SLC10A7: variants seen among roughly 807,000 people sequenced by gnomAD.
SLC10A7 encodes sodium/bile acid cotransporter 7.
SLC10A7 carries 29 observed loss-of-function variants against 43.2 expected under a neutral mutation model. The ratio of observed to expected loss-of-function variants is 0.67; its 90% CI spans 0.50 to 0.92. The LOEUF (loss-of-function observed/expected upper bound fraction) is 0.92. Ranked by LOEUF, SLC10A7 falls within the 40% of genes least tolerant of loss-of-function variation. The pLI is 0.00. For synonymous variants in SLC10A7, 152 were observed against 144.8 expected, an observed-to-expected ratio of 1.05 and a Z score of -0.35; for missense variants, 295 against 403.2, an observed-to-expected ratio of 0.73 and a Z score of 2.30.
chr4:146,365,478 A>T (rs898479322), intron 5 of SLC10A7, among the ~76,000 whole-genome samples: 1 of 152,208 alleles, frequency 6.6e-6, no homozygotes, highest in Non-Finnish European at 1.5e-5. Flanking sequence ...TACTTAAAGC[A>T]CAGTTAACTG....
chr4:146,267,101 C>A (rs1373531854), intron 10 of SLC10A7, among the ~76,000 whole-genome samples: 1 of 152,060 alleles, frequency 6.6e-6, no homozygotes, highest in Non-Finnish European at 1.5e-5. Flanking sequence ...ATACCAAGAT[C>A]ATTACACAGG....
In SLC10A7 at chr4:146,478,012, A is replaced by G. The variant is rs145012357; in HGVS notation, c.396+25837T>C. ...TGGTGTGTGCACTTAATACTGCACA[A>G]AAGAAAACATATCAAAACAGAAATA... On this transcript the variant is annotated intron_variant, in intron 4 of 11. Transcript: ENST00000335472. The G allele has an allele frequency of 8.8e-4, 134 of 152,334 alleles. 1 individual carries two copies. The highest frequency in any genetic ancestry group is 3.0e-3 in the African/African-American group (125 of 41,582). 9.4% of individuals were successfully genotyped at this position (152,334 alleles called of 1,614,324 possible). A position where few individuals can be genotyped will look rare whatever the true frequency, so the allele number is the denominator to read the frequency against.
Position 146,255,936 on chromosome 4 carries a change from T to C in SLC10A7, c.*555A>G, listed in dbSNP as rs2110957873. 1 of 152,538 alleles carries C rather than the reference T, an allele frequency of 6.6e-6. No homozygotes were observed. The highest frequency in any genetic ancestry group is 6.5e-5 in the Admixed American group (1 of 15,306). 9.4% of individuals were successfully genotyped at this position (152,538 alleles called of 1,614,324 possible). A position where few individuals can be genotyped will look rare whatever the true frequency, so the allele number is the denominator to read the frequency against. On this transcript the variant is annotated 3_prime_UTR_variant, in exon 12 of 12. Transcript: ENST00000335472. ...GAGTGAGGAATTTCTGTGTGGAAAC[T>C]ATTTGAAGGAATGTCTTTAAAAATG...
chr4:146,311,180 C>T (rs1731952926), intron 6 of SLC10A7, among the ~76,000 whole-genome samples: 1 of 152,120 alleles, frequency 6.6e-6, no homozygotes, highest in African/African-American at 2.4e-5. Context: ...GCAAGATTGA[C>T]TGTTATCAAC....
At chr4:146,354,226 C>A (rs945889005) in intron 5 of SLC10A7, among the ~76,000 whole-genome samples, 1 of 149,214 alleles carries the variant, frequency 6.7e-6, no homozygotes, top group South Asian at 2.1e-4. Flanking sequence ...AAATCACAAG[C>A]ATTCTTATAC....
intron 4 of SLC10A7, among the ~76,000 whole-genome samples, chr4:146,451,231 C>CAAAAAAAAAAAAA (rs572993886): frequency 2.2e-3 from 157 of 71,644 alleles, no homozygotes; most frequent in South Asian, 3.2e-3. Context: ...AGTCTCCCAC[C>CAAAAAAAAAAAAA]AAAAAAAAAA....
chr4:146,450,008 G>T (rs1731445605), intron 4 of SLC10A7, among the ~76,000 whole-genome samples: 1 of 151,916 alleles, frequency 6.6e-6, no homozygotes, highest in Non-Finnish European at 1.5e-5. Context: ...TATGGGAGAA[G>T]GCATTTCAGG....
chr4:146,429,498 G>C (rs1274821561), intron 5 of SLC10A7, among the ~76,000 whole-genome samples: 1 of 152,096 alleles, frequency 6.6e-6, no homozygotes, highest in East Asian at 1.9e-4. Flanking sequence ...TGCCTTCATG[G>C]AGCTTTCATT....
At chr4:146,312,265 T>C (rs748050867) in intron 6 of SLC10A7, among the ~76,000 whole-genome samples, 2 of 152,182 alleles carry the variant, frequency 1.3e-5, no homozygotes, top group East Asian at 3.9e-4. Context: ...TTTGTTTATA[T>C]GCTAGCTACT....
rs543865836 is a variant in SLC10A7 at position 146,293,520 on chromosome 4, C to T, written c.721+410G>A. 2.0e-4 allele frequency among the ~76,000 whole-genome samples: 31 copies of T among 152,180 alleles called. No homozygotes were observed. The South Asian group carries it at 2.3e-3, about 11-fold the overall frequency. On this transcript the variant is annotated intron_variant, in intron 8 of 11. Transcript: ENST00000335472. ...ATGTAAATATTCATATTTTAACCAA[C>T]GCAGCCAAGTTATTATACTTAGAAA...
At chr4:146,440,112 T>C (rs976693330) in intron 5 of SLC10A7, among the ~76,000 whole-genome samples, 1 of 152,132 alleles carries the variant, frequency 6.6e-6, no homozygotes, top group Non-Finnish European at 1.5e-5. Context: ...TCTTTCTTAG[T>C]AACAGAAATC....
At chr4:146,416,971 C>T (rs955583007) in intron 5 of SLC10A7, among the ~76,000 whole-genome samples, 1 of 152,122 alleles carries the variant, frequency 6.6e-6, no homozygotes, top group African/African-American at 2.4e-5. Flanking sequence ...TGTCACCCAC[C>T]ACCTTTCAAT....
At chr4:146,333,232 T>C (rs1325743973) in intron 5 of SLC10A7, among the ~76,000 whole-genome samples, 3 of 152,166 alleles carry the variant, frequency 2.0e-5, no homozygotes, top group Non-Finnish European at 2.9e-5. Flanking sequence ...ACACTTATAT[T>C]AAACATTAGC....
chr4:146,397,731 AT>A (rs1738936224), intron 5 of SLC10A7, among the ~76,000 whole-genome samples: 1 of 152,222 alleles, frequency 6.6e-6, no homozygotes, highest in African/African-American at 2.4e-5. Context: ...TCAAGAGCCA[AT>A]AAATAAAGAA....
intron 5 of SLC10A7, among the ~76,000 whole-genome samples, chr4:146,386,483 ACT>A (rs759610997): frequency 6.6e-6 from 1 of 151,880 alleles, no homozygotes; most frequent in Non-Finnish European, 1.5e-5. Context: ...TGCCTCCCAA[ACT>A]CTCTGTTACT....
At chr4:146,344,360 G>T (rs1374578418) in intron 5 of SLC10A7, among the ~76,000 whole-genome samples, 1 of 152,012 alleles carries the variant, frequency 6.6e-6, no homozygotes, top group Non-Finnish European at 1.5e-5. Flanking sequence ...GGTTTAATTG[G>T]TTCAAACAGA....
At chr4:146,445,892 T>TCTC (rs1731016729) in intron 4 of SLC10A7, among the ~76,000 whole-genome samples, 2 of 21,550 alleles carry the variant, frequency 9.3e-5, no homozygotes, top group South Asian at 4.8e-3. Context: ...TTCTCTCTTC[T>TCTC]GTGTGTGTGT....
intron 5 of SLC10A7, among the ~76,000 whole-genome samples, chr4:146,431,773 GA>G (rs957477895): frequency 1.3e-5 from 2 of 149,306 alleles, no homozygotes; most frequent in Admixed American, 6.6e-5. Context: ...AGTCATAAAA[GA>G]AAAAAAAAGA....
At chr4:146,260,825 A>G (rs980121307) in intron 10 of SLC10A7, among the ~76,000 whole-genome samples, 6 of 152,262 alleles carry the variant, frequency 3.9e-5, no homozygotes, top group African/African-American at 1.4e-4. Flanking sequence ...GTCCTTTTGG[A>G]ACTCATTCTC....
Sources: allele counts gnomAD v4.1 joint callset (sites outside exome capture counted in the v4.1 genomes callset), GRCh38; gene constraint gnomAD v4.1.1; transcripts MANE v1.5; gene names NCBI Gene and HGNC (gene_info 2026-07-23, HGNC 2026-07-21).